NXPH2: variants seen among roughly 807,000 people sequenced by gnomAD.
The protein encoded by NXPH2 is neurexophilin 2.
NXPH2 carries 5 observed loss-of-function variants against 19.8 expected under a neutral mutation model. That is an observed-to-expected ratio of 0.25 (90% CI 0.13 to 0.53). The LOEUF (loss-of-function observed/expected upper bound fraction) is 0.53, where lower values mean the gene tolerates loss of function less well. NXPH2 is among the 20% of genes least tolerant of loss of function. The pLI, the probability that NXPH2 is intolerant of heterozygous loss-of-function variation, is 0.96. For synonymous variants in NXPH2, 154 were observed against 127.4 expected, an observed-to-expected ratio of 1.21 and a Z score of -1.41; for missense variants, 289 against 322.8, an observed-to-expected ratio of 0.90 and a Z score of 0.80.
intron 1 of NXPH2, among the ~76,000 whole-genome samples, chr2:138,726,865 C>T (rs577920673): frequency 6.6e-6 from 1 of 152,262 alleles, no homozygotes; most frequent in Admixed American, 6.5e-5. Flanking sequence ...TTTGGACAAA[C>T]ATGTAGTAAC....
rs754410104 is a variant in NXPH2 at position 138,671,253 on chromosome 2, T to C, written c.464A>G (p.Asn155Ser). The C allele has an allele frequency of 1.2e-6, 2 of 1,613,912 alleles. No individual in the cohort carries two copies. The highest frequency in any genetic ancestry group is 1.7e-6 in the Non-Finnish European group (2 of 1,179,838). Reference protein sequence around the residue: ...YFRHNSTGLGNVSVSLVPPSK... With the variant: ...YFRHNSTGLGSVSVSLVPPSK... The stretch of plus-strand genomic sequence containing the variant: ...GGGTGGTACCAAGCTCACTGAAACA[T>C]TGCCCAGGCCTGTTGAATTATGTCG... Residue 155 changes from asparagine (N) to serine (S), a missense_variant, in exon 2 of 2, where the codon AAT (asparagine) becomes AGT (serine). Coordinates refer to ENST00000272641, the MANE Select transcript of NXPH2 (RefSeq NM_007226.3).
In NXPH2 at chr2:138,679,114, C is replaced by T. The variant is rs1680531517; in HGVS notation, c.52-7449G>A. On this transcript the variant is annotated intron_variant, in intron 1 of 1. Coordinates refer to ENST00000272641, the MANE Select transcript of NXPH2 (RefSeq NM_007226.3). ...GCTACATGTTGGGTTGAATCCTGAA[C>T]CGCAAAGGGAAGAGATTTCTCCACA... Among the ~76,000 whole-genome samples the T allele has an allele frequency of 2.0e-5, 3 of 152,142 alleles. No homozygotes were observed. In the South Asian group the frequency reaches 6.2e-4, roughly 32 times the overall value.
At chr2:138,700,152 A>G (rs1478123362) in intron 1 of NXPH2, among the ~76,000 whole-genome samples, 1 of 152,178 alleles carries the variant, frequency 6.6e-6, no homozygotes, top group African/African-American at 2.4e-5. Context: ...CCTGGAAAAT[A>G]AGCAGAACCC....
rs566700448 is a variant in NXPH2 at position 138,724,859 on chromosome 2, T to C, written c.52-53194A>G. 1.8e-4 allele frequency among the ~76,000 whole-genome samples: 28 copies of C among 152,324 alleles called. 1 individual carries two copies. In the South Asian group the frequency reaches 4.8e-3, roughly 26 times the overall value. Reference sequence around the variant, plus strand: ...CATGCTTTATGCTCCATGCTCTCTTTGAAACTAGGCACTCATACACAATAA... The same window carrying C: ...CATGCTTTATGCTCCATGCTCTCTTCGAAACTAGGCACTCATACACAATAA... On this transcript the variant is annotated intron_variant, in intron 1 of 1. Coordinates refer to ENST00000272641, the MANE Select transcript of NXPH2 (RefSeq NM_007226.3).
At chr2:138,734,606 A>C (rs1234157823) in intron 1 of NXPH2, among the ~76,000 whole-genome samples, 1 of 152,224 alleles carries the variant, frequency 6.6e-6, no homozygotes, top group African/African-American at 2.4e-5. Context: ...GATCCTGAAG[A>C]TGGGAATGCC....
chr2:138,715,352 CTT>C (rs1358488645), intron 1 of NXPH2, among the ~76,000 whole-genome samples: 1 of 152,172 alleles, frequency 6.6e-6, no homozygotes, highest in Non-Finnish European at 1.5e-5. Context: ...TTGGCTGCGA[CTT>C]ATAATTATTT....
intron 1 of NXPH2, among the ~76,000 whole-genome samples, chr2:138,759,394 G>GGTCTATGCT (rs1350925836): frequency 6.6e-6 from 1 of 150,686 alleles, no homozygotes; most frequent in African/African-American, 2.4e-5. Flanking sequence ...CTCTGCTCTT[G>GGTCTATGCT]GTCTATGCTT....
chr2:138,755,097 C>A (rs1681886388), intron 1 of NXPH2, among the ~76,000 whole-genome samples: 1 of 152,036 alleles, frequency 6.6e-6, no homozygotes, highest in Non-Finnish European at 1.5e-5. Flanking sequence ...ATGTTGCATA[C>A]AAGTTCTTTA....
intron 1 of NXPH2, among the ~76,000 whole-genome samples, chr2:138,759,167 C>G (rs1681962847): frequency 6.6e-6 from 1 of 152,092 alleles, no homozygotes; most frequent in African/African-American, 2.4e-5. Context: ...TTCACAACTG[C>G]CCTTGATAGT....
intron 1 of NXPH2, among the ~76,000 whole-genome samples, chr2:138,688,069 T>G (rs1459928380): frequency 6.6e-6 from 1 of 152,236 alleles, no homozygotes; most frequent in Non-Finnish European, 1.5e-5. Context: ...TTTCCAATTC[T>G]GTGAAGAAAG....
At chr2:138,736,298 G>A (rs1332398805) in intron 1 of NXPH2, among the ~76,000 whole-genome samples, 1 of 152,220 alleles carries the variant, frequency 6.6e-6, no homozygotes, top group Non-Finnish European at 1.5e-5. Context: ...GGGCATCCAA[G>A]CATTTCCATA....
At chr2:138,709,196 C>A (rs1197272812) in intron 1 of NXPH2, among the ~76,000 whole-genome samples, 4 of 152,084 alleles carry the variant, frequency 2.6e-5, no homozygotes, top group African/African-American at 9.7e-5. Flanking sequence ...GGTACAACAG[C>A]CCCTTCTATC....
intron 1 of NXPH2, among the ~76,000 whole-genome samples, chr2:138,674,027 C>T (rs1573948755): frequency 1.3e-5 from 2 of 152,204 alleles, no homozygotes; most frequent in East Asian, 3.9e-4. Context: ...CTCTGTCACC[C>T]AGGCTGGAGG....
chr2:138,763,229 T>C (rs1025038292), intron 1 of NXPH2, among the ~76,000 whole-genome samples: 2 of 152,200 alleles, frequency 1.3e-5, no homozygotes, highest in Non-Finnish European at 2.9e-5. Context: ...AGGAGATCAA[T>C]GGAGGAAAGC....
At chr2:138,715,388 C>T (rs968540504) in intron 1 of NXPH2, among the ~76,000 whole-genome samples, 3 of 152,178 alleles carry the variant, frequency 2.0e-5, no homozygotes, top group African/African-American at 4.8e-5. Flanking sequence ...TGAGCCCTTC[C>T]TCTAGATTTA....
chr2:138,771,106 A>G (rs1035034497), intron 1 of NXPH2, among the ~76,000 whole-genome samples: 1 of 152,132 alleles, frequency 6.6e-6, no homozygotes, highest in Admixed American at 6.6e-5. Context: ...TACATTCTCA[A>G]TTGAACCAAC....
chr2:138,745,546 C>G lies in NXPH2; in HGVS notation c.51+34645G>C, dbSNP rs538794786. Among the ~76,000 whole-genome samples, 46 of 147,966 alleles carry G rather than the reference C, an allele frequency of 3.1e-4. 1 individual carries two copies. The South Asian group carries it at 9.6e-3, about 31-fold the overall frequency. On this transcript the variant is annotated intron_variant, in intron 1 of 1. Transcript: ENST00000272641. ...TTTTCTTTATAGTTCTAAAGTCTTA[C>G]GCAAAAAGTTAATTGTGTAATACTT...
At chr2:138,713,193 G>A (rs762583783) in intron 1 of NXPH2, among the ~76,000 whole-genome samples, 2 of 152,178 alleles carry the variant, frequency 1.3e-5, no homozygotes, top group Non-Finnish European at 2.9e-5. Context: ...TTCTGAGATG[G>A]ATCTGCGACT....
intron 1 of NXPH2, among the ~76,000 whole-genome samples, chr2:138,726,550 AC>A (rs1681362756): frequency 6.6e-6 from 1 of 151,514 alleles, no homozygotes; most frequent in Admixed American, 6.6e-5. Flanking sequence ...ACACACACAC[AC>A]ACACACACCC....
Sources: allele counts gnomAD v4.1 joint callset (sites outside exome capture counted in the v4.1 genomes callset), GRCh38; gene constraint gnomAD v4.1.1; transcripts MANE v1.5; gene names NCBI Gene and HGNC (gene_info 2026-07-23, HGNC 2026-07-21).